WWOX: variants seen among roughly 807,000 people sequenced by gnomAD.
The protein encoded by WWOX is WW domain containing oxidoreductase.
In WWOX, 69 loss-of-function variants were observed where a neutral mutation model predicts 46.2. The ratio of observed to expected loss-of-function variants is 1.49; its 90% confidence interval spans 1.23 to 1.82. WWOX has a LOEUF of 1.82. Among genes scored for constraint, WWOX ranks in the 40% most tolerant of loss-of-function variants. The pLI, the probability that WWOX is intolerant of heterozygous loss-of-function variation, is 0.00. For missense variants in WWOX, 919 were observed against 542.6 expected (o/e 1.69, Z -6.89); for synonymous variants, 359 against 202.6 (o/e 1.77, Z -6.56).
At chr16:78,881,413 T>G (rs1241865438) in intron 8 of WWOX, among the ~76,000 whole-genome samples, 1 of 152,236 alleles carries the variant, frequency 6.6e-6, no homozygotes, top group Non-Finnish European at 1.5e-5. Context: ...GAAACTAATA[T>G]ACAGGTTTTC....
intron 8 of WWOX, among the ~76,000 whole-genome samples, chr16:78,698,122 C>G (rs1313680533): frequency 6.6e-6 from 1 of 152,182 alleles, no homozygotes; most frequent in African/African-American, 2.4e-5. Context: ...TCATTGGCAT[C>G]TTGAGGTTTC....
chr16:78,165,605 G>A (rs1484502603), intron 5 of WWOX, among the ~76,000 whole-genome samples: 1 of 152,122 alleles, frequency 6.6e-6, no homozygotes, highest in Admixed American at 6.5e-5. Context: ...AGAGCAGCGT[G>A]TTTGGGAGCA....
In WWOX at chr16:78,634,703, G is replaced by GT. The variant is rs199662044; in HGVS notation, c.1056+201953dup. On this transcript the variant is annotated intron_variant, in intron 8 of 8. Coordinates refer to ENST00000566780, the MANE Select transcript of WWOX (RefSeq NM_016373.4). ...CCTGGGTGACAGAGCAAGACTCTGT[G>GT]TTAAAAAAAAAAAAAAAAAAAGTTC... is the stretch of plus-strand genomic sequence containing the variant. Among the ~76,000 whole-genome samples, 445 of 104,396 alleles carry GT rather than the reference G, an allele frequency of 4.3e-3. 5 individuals are homozygous for GT. Among genetic ancestry groups the GT allele is most frequent in the Middle Eastern group, 0.025 (6 of 240 alleles). 68.5% of individuals were successfully genotyped at this position (104,396 alleles called of 152,430 possible). A position where few individuals can be genotyped will look rare whatever the true frequency, so the allele number is the denominator to read the frequency against.
At chr16:78,422,738 CATATATAT>C (rs575231968) in intron 6 of WWOX, among the ~76,000 whole-genome samples, 99 of 101,402 alleles carry the variant, frequency 9.8e-4, no homozygotes, top group African/African-American at 6.6e-3. Flanking sequence ...TATACACACA[CATATATAT>C]ACACATATAT....
At chr16:78,303,165 A>G (rs958559777) in intron 5 of WWOX, among the ~76,000 whole-genome samples, 4 of 152,192 alleles carry the variant, frequency 2.6e-5, no homozygotes, top group Non-Finnish European at 4.4e-5. Context: ...TACATTTTAT[A>G]TCTTTGCCCT....
In WWOX at chr16:78,640,213, T is replaced by G. The variant is rs2046670281; in HGVS notation, c.1056+207461T>G. ...CATGGGTGTGTGTGTGTGTGTTTTC[T>G]TCTTGTTGTTGGGTTTTTTTTTTTT... On this transcript the variant is annotated intron_variant, in intron 8 of 8. Transcript: ENST00000566780. Among the ~76,000 whole-genome samples, 4 of 149,858 alleles carry G rather than the reference T, an allele frequency of 2.7e-5. No homozygotes were observed. In the South Asian group the frequency reaches 8.5e-4, roughly 32 times the overall value.
intron 8 of WWOX, among the ~76,000 whole-genome samples, chr16:78,711,388 T>C (rs556744056): frequency 6.6e-6 from 1 of 152,338 alleles, no homozygotes; most frequent in East Asian, 1.9e-4. Flanking sequence ...CTGGCCACTG[T>C]ATATGCTTTG....
At chr16:78,235,737 C>T (rs1253682858) in intron 5 of WWOX, among the ~76,000 whole-genome samples, 2 of 152,160 alleles carry the variant, frequency 1.3e-5, no homozygotes, top group Non-Finnish European at 2.9e-5. Context: ...GCTGTCCTCA[C>T]GTCATGGGCG....
chr16:78,163,399 G>A (rs921518163), intron 4 of WWOX, among the ~76,000 whole-genome samples: 2 of 152,198 alleles, frequency 1.3e-5, no homozygotes, highest in Non-Finnish European at 1.5e-5. Context: ...CCAAGGTTTG[G>A]TGTGTTTACC....
intron 4 of WWOX, among the ~76,000 whole-genome samples, chr16:78,125,762 T>C (rs1285036927): frequency 6.6e-6 from 1 of 152,116 alleles, no homozygotes; most frequent in Non-Finnish European, 1.5e-5. Flanking sequence ...ATTATGATTG[T>C]AAAACAAACA....
At chr16:78,863,576 G>A (rs2043939340) in intron 8 of WWOX, among the ~76,000 whole-genome samples, 1 of 152,212 alleles carries the variant, frequency 6.6e-6, no homozygotes, top group Admixed American at 6.5e-5. Flanking sequence ...CCCTTTGTGA[G>A]AAGGGCCTAA....
chr16:78,137,011 G>A (rs1436215419), intron 4 of WWOX, among the ~76,000 whole-genome samples: 1 of 152,126 alleles, frequency 6.6e-6, no homozygotes, highest in Non-Finnish European at 1.5e-5. Context: ...GCGTGTGCCC[G>A]GTTCTCAATC....
intron 8 of WWOX, among the ~76,000 whole-genome samples, chr16:78,838,985 C>G: frequency 6.6e-6 from 1 of 152,114 alleles, no homozygotes; most frequent in Non-Finnish European, 1.5e-5. Context: ...TGTTCTGCAT[C>G]TTGACTGTCT....
chr16:79,092,260 C>T (rs144395311), intron 8 of WWOX, among the ~76,000 whole-genome samples: 1 of 152,110 alleles, frequency 6.6e-6, no homozygotes, highest in Non-Finnish European at 1.5e-5. Flanking sequence ...ATTATTAAGG[C>T]TTTAACAATA....
At chr16:78,982,161 TAAAA>T (rs1478248028) in intron 8 of WWOX, among the ~76,000 whole-genome samples, 1 of 148,186 alleles carries the variant, frequency 6.7e-6, no homozygotes, top group East Asian at 2.2e-4. Context: ...AGAAAAAAAA[TAAAA>T]AGAAACGACC....
chr16:78,965,928 A>G (rs995680448), intron 8 of WWOX, among the ~76,000 whole-genome samples: 1 of 152,174 alleles, frequency 6.6e-6, no homozygotes, highest in African/African-American at 2.4e-5. Flanking sequence ...GGGTGATCTA[A>G]TTTGGACTCA....
intron 8 of WWOX, among the ~76,000 whole-genome samples, chr16:78,708,091 A>G (rs949787704): frequency 2.0e-5 from 3 of 152,044 alleles, no homozygotes; most frequent in African/African-American, 7.2e-5. Context: ...CTTGGGAGGC[A>G]GAGGCAGGAA....
At chr16:78,977,574 G>A (rs1316161879) in intron 8 of WWOX, among the ~76,000 whole-genome samples, 1 of 151,538 alleles carries the variant, frequency 6.6e-6, no homozygotes, top group African/African-American at 2.4e-5. Flanking sequence ...TTTTCTTTGA[G>A]GGGCTATAAA....
chr16:78,671,884 G>A (rs1316167322), intron 8 of WWOX, among the ~76,000 whole-genome samples: 1 of 152,138 alleles, frequency 6.6e-6, no homozygotes, highest in African/African-American at 2.4e-5. Context: ...AAAGTGGTGA[G>A]GTAGACACAC....
Sources: gnomAD v4.1 joint callset for allele counts (sites outside exome capture counted in the v4.1 genomes callset) on GRCh38, gnomAD v4.1.1 for gene constraint, MANE v1.5 for transcripts, NCBI Gene and HGNC (gene_info 2026-07-23, HGNC 2026-07-21) for gene names.